APPBP2: variants seen among roughly 807,000 people sequenced by gnomAD.
The protein encoded by APPBP2 is amyloid beta precursor protein binding protein 2, also known as amyloid protein-binding protein 2.
A neutral mutation model predicts 76.0 loss-of-function variants in APPBP2; 15 were observed. That is an observed-to-expected ratio of 0.20 (90% confidence interval 0.13 to 0.30). APPBP2 has a LOEUF of 0.30. Ranked by LOEUF, APPBP2 falls within the 10% of genes least tolerant of loss-of-function variation. APPBP2 has a pLI of 1.00. For synonymous variants in APPBP2, 222 were observed against 242.2 expected (o/e 0.92, Z 0.77); for missense variants, 401 against 687.2 (o/e 0.58, Z 4.66).
chr17:60,499,622 C>T (rs2090806256), intron 2 of APPBP2, among the ~76,000 whole-genome samples: 1 of 152,208 alleles, frequency 6.6e-6, no homozygotes, highest in Admixed American at 6.5e-5. Flanking sequence ...CTCATGTTCA[C>T]AGCAGTATTA....
intron 9 of APPBP2, chr17:60,460,298 A>C (rs1460993288): frequency 6.3e-6 from 1 of 159,974 alleles, no homozygotes; most frequent in Non-Finnish European, 1.4e-5. Flanking sequence ...TCTTGGGCTC[A>C]AGCGATTCTC....
intron 1 of APPBP2, among the ~76,000 whole-genome samples, chr17:60,502,607 A>T (rs1375111041): frequency 6.8e-6 from 1 of 146,968 alleles, no homozygotes; most frequent in Non-Finnish European, 1.5e-5. Context: ...TAATCCCAGC[A>T]CTTTGGGAGG....
Position 60,520,570 on chromosome 17 carries a change from TA to T in APPBP2, c.138+5223del, listed in dbSNP as rs781626784. On this transcript the variant is annotated intron_variant, in intron 1 of 12. Coordinates refer to ENST00000083182, the MANE Select transcript of APPBP2 (RefSeq NM_006380.5). The stretch of plus-strand genomic sequence containing the variant: ...CCCAGGCAACAGAACAAGACTCTGT[TA>T]AAAAAAAAAAAAAAAAAAAATTAAG... 8.3e-3 allele frequency among the ~76,000 whole-genome samples: 830 copies of T among 99,852 alleles called. 18 individuals carry two copies. The highest frequency in any genetic ancestry group is 0.071 in the South Asian group (269 of 3,794). The allele number at this position is 99,852 out of a possible 152,430, so 65.5% of individuals were successfully genotyped here.
At chr17:60,495,906 G>A (rs1391584019) in intron 2 of APPBP2, among the ~76,000 whole-genome samples, 1 of 152,072 alleles carries the variant, frequency 6.6e-6, no homozygotes, top group Non-Finnish European at 1.5e-5. Context: ...CAGATGACTG[G>A]ATAAGCAAAA....
chr17:60,456,498 G>C, intron 9 of APPBP2, 117 bp from the exon 10 acceptor site: 1 of 689,982 alleles, frequency 1.4e-6, no homozygotes, highest in South Asian at 1.8e-5. Context: ...AACTATCTGT[G>C]GTAAAGATCC....
chr17:60,454,205 A>G lies in APPBP2; in HGVS notation c.1338+97T>C, dbSNP rs1031589087. 4.9e-5 allele frequency: 44 copies of G among 898,350 alleles called. No individual in the cohort carries two copies. The Admixed American group carries it at 8.4e-4, about 17-fold the overall frequency. 55.6% of individuals were successfully genotyped at this position (898,350 alleles called of 1,614,324 possible). ...ACTATCTTCTCAATTCCTTTGTGCA[A>G]TAAGTGTATAATTTATTTGAGCTTA... On this transcript the variant is annotated intron_variant, in intron 11 of 12. Transcript: ENST00000083182.
At chr17:60,478,288 G>A (rs532973447) in intron 4 of APPBP2, among the ~76,000 whole-genome samples, 1 of 152,006 alleles carries the variant, frequency 6.6e-6, no homozygotes, top group Non-Finnish European at 1.5e-5. Flanking sequence ...GAGAAAACCT[G>A]TATGAAAATA....
Position 60,486,184 on chromosome 17 carries a change from G to A in APPBP2, c.380-6913C>T, listed in dbSNP as rs572179424. Among the ~76,000 whole-genome samples the A allele has an allele frequency of 1.5e-3, 235 of 152,332 alleles. 4 individuals carry two copies. Among genetic ancestry groups the A allele is most frequent in the Non-Finnish European group, 1.7e-3 (117 of 68,038 alleles). On this transcript the variant is annotated intron_variant, in intron 3 of 12. Coordinates refer to ENST00000083182, the MANE Select transcript of APPBP2 (RefSeq NM_006380.5). Reference sequence around the variant, plus strand: ...GAAGAATATATTCTGTTGATTTGGGGTGGAGAGTTCTGTAGATGTCTATTA... The same window carrying A: ...GAAGAATATATTCTGTTGATTTGGGATGGAGAGTTCTGTAGATGTCTATTA...
intron 1 of APPBP2, among the ~76,000 whole-genome samples, chr17:60,502,726 G>A (rs1345982671): frequency 6.8e-6 from 1 of 145,992 alleles, no homozygotes; most frequent in Non-Finnish European, 1.5e-5. Context: ...CATGGTGGCA[G>A]GCACCTGTAA....
chr17:60,460,805 A>G lies in APPBP2; in HGVS notation c.937-18T>C. On this transcript the variant is annotated intron_variant, in intron 8 of 12. Coordinates refer to ENST00000083182, the MANE Select transcript of APPBP2 (RefSeq NM_006380.5). ...AGGGCTGCCTGAAAGAATCATAAAAATATTTGTCAATACTGTAGAAAATAC... is the reference window on the plus strand; with the variant it reads ...AGGGCTGCCTGAAAGAATCATAAAAGTATTTGTCAATACTGTAGAAAATAC... 2 of 1,609,382 alleles carry G rather than the reference A, an allele frequency of 1.2e-6. No individual in the cohort carries two copies. Among genetic ancestry groups the G allele is most frequent in the Non-Finnish European group, 1.7e-6 (2 of 1,177,980 alleles).
intron 5 of APPBP2, among the ~76,000 whole-genome samples, chr17:60,465,772 A>G (rs1277928286): frequency 1.3e-5 from 2 of 152,148 alleles, no homozygotes; most frequent in Admixed American, 1.3e-4. Context: ...AAAAACAACA[A>G]AAGAAAGGGC....
At chr17:60,489,136 G>A (rs959942708) in intron 3 of APPBP2, among the ~76,000 whole-genome samples, 1 of 151,636 alleles carries the variant, frequency 6.6e-6, no homozygotes, top group Non-Finnish European at 1.5e-5. Context: ...GCAGGAGAAT[G>A]GCTTGAACCC....
At chr17:60,520,570 TAA>T (rs781626784) in intron 1 of APPBP2, among the ~76,000 whole-genome samples, 24 of 99,822 alleles carry the variant, frequency 2.4e-4, no homozygotes, top group Non-Finnish European at 2.4e-4. Flanking sequence ...AAGACTCTGT[TAA>T]AAAAAAAAAA....
At chr17:60,505,517 G>C (rs1026056453) in intron 1 of APPBP2, among the ~76,000 whole-genome samples, 1 of 151,146 alleles carries the variant, frequency 6.6e-6, no homozygotes, top group Non-Finnish European at 1.5e-5. Flanking sequence ...GGGCTTCACG[G>C]TGTTAGCCAG....
chr17:60,460,837 GTTAAA>G (rs1268633411), intron 8 of APPBP2, 50 bp from the exon 9 acceptor site: 12 of 1,566,842 alleles, frequency 7.7e-6, no homozygotes, highest in Non-Finnish European at 1.0e-5. Flanking sequence ...ATACCACCTA[GTTAAA>G]TTAAACATCC....
At chr17:60,490,959 A>G (rs1422987953) in intron 3 of APPBP2, among the ~76,000 whole-genome samples, 1 of 152,204 alleles carries the variant, frequency 6.6e-6, no homozygotes, top group Non-Finnish European at 1.5e-5. Context: ...CTTTAACAGC[A>G]GCATGAAAAT....
intron 4 of APPBP2, among the ~76,000 whole-genome samples, chr17:60,469,553 CCAAA>C (rs1484717634): frequency 3.3e-5 from 5 of 152,072 alleles, no homozygotes; most frequent in African/African-American, 4.8e-5. Context: ...TTTCATCACC[CCAAA>C]CAGTCCCTAG....
At chr17:60,522,457 G>C (rs2091017330) in intron 1 of APPBP2, among the ~76,000 whole-genome samples, 2 of 152,240 alleles carry the variant, frequency 1.3e-5, no homozygotes, top group Admixed American at 6.5e-5. Context: ...CCGAGTAGCT[G>C]GGATGACAGG....
Position 60,462,104 on chromosome 17 carries a change from T to C in APPBP2, c.763-43A>G, listed in dbSNP as rs375531907. 8.9e-6 allele frequency: 13 copies of C among 1,460,974 alleles called. No individual in the cohort carries two copies. In the African/African-American group the frequency reaches 1.4e-4, roughly 16 times the overall value. The allele number at this position is 1,460,974 out of a possible 1,614,324, so 90.5% of individuals were successfully genotyped here. ...AATGGTTAACTCTCAAACAGTTCAT[T>C]AGTGTGCTAAAATACGTGTAGTTTA... On this transcript the variant is annotated intron_variant, in intron 6 of 12. Transcript: ENST00000083182.
Sources: allele counts gnomAD v4.1 joint callset (sites outside exome capture counted in the v4.1 genomes callset), GRCh38; gene constraint gnomAD v4.1.1; transcripts MANE v1.5; gene names NCBI Gene and HGNC (gene_info 2026-07-23, HGNC 2026-07-21).